Variants in B3GALT5 observed in about 807,000 individuals in gnomAD.
B3GALT5 encodes UDP-Gal:betaGlcNAc beta 1,3-galactosyltransferase, polypeptide 5.
For synonymous variants in B3GALT5, 156 were observed against 158.6 expected, an observed-to-expected ratio of 0.98 and a Z score of 0.12; for missense variants, 328 against 396.6, an observed-to-expected ratio of 0.83 and a Z score of 1.47.
At chr21:39,660,192 C>T (rs2079497130) in intron 3 of B3GALT5, among the ~76,000 whole-genome samples, 1 of 152,186 alleles carries the variant, frequency 6.6e-6, no homozygotes, top group African/African-American at 2.4e-5. Flanking sequence ...GGTTTCCAGA[C>T]CTGCAGCTTG....
At chr21:39,621,983 G>A (rs112667289) in intron 1 of B3GALT5, among the ~76,000 whole-genome samples, 2,356 of 151,956 alleles carry the variant, frequency 0.016, 69 homozygotes, top group African/African-American at 0.053. Flanking sequence ...GCTTCTTGAA[G>A]TATATGCTTA....
intron 1 of B3GALT5, among the ~76,000 whole-genome samples, chr21:39,638,414 G>A (rs1398824570): frequency 1.3e-5 from 2 of 152,204 alleles, no homozygotes; most frequent in Non-Finnish European, 2.9e-5. Flanking sequence ...GCCACCGACT[G>A]GCAGAAGGAT....
Position 39,622,266 on chromosome 21 carries a change from G to C in B3GALT5, c.-392+9199G>C, listed in dbSNP as rs1372269853. 2.6e-5 allele frequency among the ~76,000 whole-genome samples: 4 copies of C among 151,812 alleles called. No homozygotes were observed. In the South Asian group the frequency reaches 8.3e-4, roughly 32 times the overall value. ...GAATGTTTACTTTCTGTTTCTGTAT[G>C]GTTTAATAAATGAAGTTTATTAATT... is the stretch of plus-strand genomic sequence containing the variant. On this transcript the variant is annotated intron_variant, in intron 1 of 3. Coordinates refer to ENST00000684187, the MANE Select transcript of B3GALT5 (RefSeq NM_001356336.2).
intron 1 of B3GALT5, among the ~76,000 whole-genome samples, chr21:39,642,723 A>G (rs2079299929): frequency 6.6e-6 from 1 of 152,208 alleles, no homozygotes; most frequent in Non-Finnish European, 1.5e-5. Context: ...ATTTTGTCTT[A>G]GTCAAAATAG....
rs76986101 is a variant in B3GALT5 at position 39,660,064 on chromosome 21, T to G, written c.-1+152T>G. Among the ~76,000 whole-genome samples, 1,109 of 152,274 alleles carry G rather than the reference T, an allele frequency of 7.3e-3. 15 individuals carry two copies. The highest frequency in any genetic ancestry group is 0.025 in the African/African-American group (1,042 of 41,552). ...AAAAATAATTCTGGCAGAGACAGAA[T>G]TTGAAGGTACTTGTGCACATCAGAA... is the stretch of plus-strand genomic sequence containing the variant. On this transcript the variant is annotated intron_variant, in intron 3 of 3. Transcript: ENST00000684187.
chr21:39,671,421 C>G lies in B3GALT5; in HGVS notation c.*9929C>G, dbSNP rs2079627178. The G allele has an allele frequency of 6.6e-6, 1 of 152,100 alleles. No homozygotes were observed. Among genetic ancestry groups the G allele is most frequent in the Non-Finnish European group, 1.5e-5 (1 of 68,034 alleles). The allele number at this position is 152,100 out of a possible 1,614,324, so 9.4% of individuals were successfully genotyped here. A position where few individuals can be genotyped will look rare whatever the true frequency, so the allele number is the denominator to read the frequency against. ...CTCTGTTTGGGTCTCTGGCATGGTG[C>G]CTGCTGGAGAGTAGATACTTGATAA... On this transcript the variant is annotated 3_prime_UTR_variant, in exon 4 of 4. Coordinates refer to ENST00000684187, the MANE Select transcript of B3GALT5 (RefSeq NM_001356336.2).
At chr21:39,648,009 A>G (rs1008282194) in intron 2 of B3GALT5, among the ~76,000 whole-genome samples, 3 of 152,154 alleles carry the variant, frequency 2.0e-5, no homozygotes, top group African/African-American at 7.2e-5. Flanking sequence ...TTGCTATGGT[A>G]TTAATTTGTT....
At chr21:39,651,237 G>A (rs369069223) in intron 2 of B3GALT5, among the ~76,000 whole-genome samples, 23 of 152,158 alleles carry the variant, frequency 1.5e-4, no homozygotes, top group African/African-American at 4.3e-4. Flanking sequence ...AGTTCCCTGC[G>A]GCTGTGGTAA....
At chr21:39,618,812 G>A (rs913222376) in intron 1 of B3GALT5, among the ~76,000 whole-genome samples, 1 of 151,734 alleles carries the variant, frequency 6.6e-6, no homozygotes, top group Non-Finnish European at 1.5e-5. Context: ...TTAATGGTTT[G>A]TGCTTTCTCT....
At position 39,636,865 on chromosome 21, in the gene B3GALT5, T is replaced by G. The variant is rs73904085; in HGVS notation, c.-391-9527T>G. ...GGGGAGCAGAGCACACAGAGCATGC[T>G]CAGAACGTGGTGGTGGAAGGGATCC... On this transcript the variant is annotated intron_variant, in intron 1 of 3. Transcript: ENST00000684187. 3.1e-3 allele frequency among the ~76,000 whole-genome samples: 474 copies of G among 152,272 alleles called. 3 individuals are homozygous for G. Among genetic ancestry groups the G allele is most frequent in the African/African-American group, 9.5e-3 (393 of 41,542 alleles).
chr21:39,645,195 T>C (rs1331058695), intron 1 of B3GALT5, among the ~76,000 whole-genome samples: 1 of 152,198 alleles, frequency 6.6e-6, no homozygotes, highest in Non-Finnish European at 1.5e-5. Context: ...GGAGTCTTAC[T>C]TGGTAACCAC....
At position 39,668,701 on chromosome 21, in the gene B3GALT5, C is replaced by T. The variant is rs1485954078; in HGVS notation, c.*7209C>T. ...TGACCTTGGGCATACCCTTCACCCC[C>T]GGGCTCTGTTCGCTGGGGCAGGGTC... On this transcript the variant is annotated 3_prime_UTR_variant, in exon 4 of 4. Transcript: ENST00000684187. 1.3e-5 allele frequency: 2 copies of T among 152,240 alleles called. No homozygotes were observed. Among genetic ancestry groups the T allele is most frequent in the Non-Finnish European group, 1.5e-5 (1 of 68,058 alleles). The allele number at this position is 152,240 out of a possible 1,614,324, so 9.4% of individuals were successfully genotyped here. A position where few individuals can be genotyped will look rare whatever the true frequency, so the allele number is the denominator to read the frequency against.
At chr21:39,637,458 C>T (rs573737085) in intron 1 of B3GALT5, among the ~76,000 whole-genome samples, 34 of 152,384 alleles carry the variant, frequency 2.2e-4, no homozygotes, top group Non-Finnish European at 2.1e-4. Flanking sequence ...CTTGTCATGT[C>T]AGTCAGCTAA....
rs374024196 is a variant in B3GALT5 at position 39,660,973 on chromosome 21, C to A, written c.414C>A (p.Gly138=). The A allele has an allele frequency of 1.8e-5, 29 of 1,609,176 alleles. No homozygotes were observed. Among genetic ancestry groups the A allele is most frequent in the Non-Finnish European group, 2.4e-5 (28 of 1,176,738 alleles). ...YYNLTLKTMM[G]IEWVHRFCPQ... Reference sequence around the variant, plus strand: ...ATCTGACCCTGAAGACCATGATGGGCATAGAATGGGTCCATCGCTTTTGTC... The same window carrying A: ...ATCTGACCCTGAAGACCATGATGGGAATAGAATGGGTCCATCGCTTTTGTC... The change falls in exon 4 of 4, where the codon GGC becomes GGA. Residue 138 remains glycine, a synonymous_variant. Coordinates refer to ENST00000684187, the MANE Select transcript of B3GALT5 (RefSeq NM_001356336.2).
chr21:39,619,498 T>A (rs2079123650), intron 1 of B3GALT5, among the ~76,000 whole-genome samples: 1 of 152,198 alleles, frequency 6.6e-6, no homozygotes, highest in South Asian at 2.1e-4. Context: ...CACAAGTATC[T>A]TATTGATGTA....
rs868109799 is a variant in B3GALT5, at chr21:39,639,484, T to C, written c.-391-6908T>C. The stretch of plus-strand genomic sequence containing the variant: ...TCTTTCTCTCTCTCTCTCTCTTTCT[T>C]TCTTTCTTTTTTTTTGACAGAGACT... On this transcript the variant is annotated intron_variant, in intron 1 of 3. Transcript: ENST00000684187. Among the ~76,000 whole-genome samples the C allele has an allele frequency of 1.6e-3, 213 of 135,154 alleles. 9 individuals carry two copies. The highest frequency in any genetic ancestry group is 0.011 in the Middle Eastern group (3 of 284). The allele number at this position is 135,154 out of a possible 152,430, so 88.7% of individuals were successfully genotyped here. A position where few individuals can be genotyped will look rare whatever the true frequency, so the allele number is the denominator to read the frequency against.
intron 1 of B3GALT5, among the ~76,000 whole-genome samples, chr21:39,626,725 C>G (rs1054907722): frequency 1.3e-5 from 2 of 152,090 alleles, no homozygotes; most frequent in African/African-American, 4.8e-5. Context: ...AGCTTATTGG[C>G]CATCTGTATA....
At chr21:39,616,039 A>G (rs1290246812) in intron 1 of B3GALT5, among the ~76,000 whole-genome samples, 1 of 152,240 alleles carries the variant, frequency 6.6e-6, no homozygotes, top group East Asian at 1.9e-4. Flanking sequence ...TAAGATGACT[A>G]ACATCAGGGG....
chr21:39,628,367 G>A (rs1046479242), intron 1 of B3GALT5, among the ~76,000 whole-genome samples: 2 of 152,144 alleles, frequency 1.3e-5, no homozygotes, highest in East Asian at 1.9e-4. Flanking sequence ...CCCGAGTAAC[G>A]TGTATTGTAC....
Sources: gnomAD v4.1 joint callset for allele counts (sites outside exome capture counted in the v4.1 genomes callset) on GRCh38, gnomAD v4.1.1 for gene constraint, MANE v1.5 for transcripts, NCBI Gene and HGNC (gene_info 2026-07-23, HGNC 2026-07-21) for gene names.